The following TCEA3 variants were observed in gnomAD, a reference collection of about 807,000 sequenced individuals.
TCEA3 encodes the protein transcription elongation factor A3.
In TCEA3, 36 loss-of-function variants were observed where a neutral mutation model predicts 44.0. The observed-to-expected ratio is 0.82, with a 90% confidence interval of 0.63 to 1.08. The LOEUF is 1.08. Among genes scored for constraint, TCEA3 ranks in the 50% least tolerant of loss-of-function variants. The probability of loss-of-function intolerance (pLI) is 0.00; values close to 1 mark genes in which losing one functional copy is unlikely to be tolerated. For missense variants in TCEA3, 392 were observed against 441.2 expected (o/e 0.89, Z 1.00); for synonymous variants, 162 against 159.7 (o/e 1.01, Z -0.11).
At chr1:23,399,685 T>C (rs1639341305) in intron 5 of TCEA3, among the ~76,000 whole-genome samples, 2 of 151,084 alleles carry the variant, frequency 1.3e-5, no homozygotes, top group African/African-American at 4.9e-5. Context: ...TTTTTTTTTT[T>C]GAGAGGGTGT....
rs1638669515 is a variant in TCEA3, at chr1:23,381,444, T to A, written c.*22A>T. 1 of 780,690 alleles carries A rather than the reference T, an allele frequency of 1.3e-6. No individual in the cohort carries two copies. The highest frequency in any genetic ancestry group is 2.4e-6 in the Non-Finnish European group (1 of 417,962). The allele number at this position is 780,690 out of a possible 1,614,324, so 48.4% of individuals were successfully genotyped here. A position where few individuals can be genotyped will look rare whatever the true frequency, so the allele number is the denominator to read the frequency against. On this transcript the variant is annotated 3_prime_UTR_variant, in exon 11 of 11. Transcript: ENST00000450454. ...CGCTTCCTCTTTCTTCTTCCTCACC[T>A]TGTTCATGGCTGGCTGTTCCATCAG...
At chr1:23,398,234 C>T (rs945762618) in intron 5 of TCEA3, among the ~76,000 whole-genome samples, 3 of 152,128 alleles carry the variant, frequency 2.0e-5, no homozygotes, top group Admixed American at 6.6e-5. Flanking sequence ...AACACATCGA[C>T]GAACCAGTAG....
At chr1:23,419,836 GAACAA>G (rs1296240045) in intron 1 of TCEA3, among the ~76,000 whole-genome samples, 1 of 151,980 alleles carries the variant, frequency 6.6e-6, no homozygotes, top group African/African-American at 2.4e-5. Context: ...ACTCCAACTC[GAACAA>G]AACAAAACAA....
At position 23,383,521 on chromosome 1, in the gene TCEA3, AT is replaced by A. The variant is rs1638733036; in HGVS notation, c.1038+824del. 6.4e-6 allele frequency: 6 copies of A among 934,018 alleles called. No individual in the cohort carries two copies. The South Asian group carries it at 3.0e-4, about 46-fold the overall frequency. The allele number at this position is 934,018 out of a possible 1,614,324, so 57.9% of individuals were successfully genotyped here. On this transcript the variant is annotated intron_variant, in intron 10 of 10. Coordinates refer to ENST00000450454, the MANE Select transcript of TCEA3 (RefSeq NM_003196.3). ...TCAAACCTGGGAGAAAGGCATTATT[AT>A]TACTCTTTTGCTCAATGAGGTGAGT...
At chr1:23,394,133 C>A in intron 7 of TCEA3, 100 bp from the exon 8 acceptor site, 1 of 1,407,492 alleles carries the variant, frequency 7.1e-7, no homozygotes, top group Non-Finnish European at 9.6e-7. Context: ...TCTTCCTCTC[C>A]TCGGACTTCT....
Position 23,419,128 on chromosome 1 carries a change from C to T in TCEA3, c.81G>A (p.Leu27=). The T allele has an allele frequency of 1.3e-6, 2 of 1,591,416 alleles. No homozygotes were observed. Among genetic ancestry groups the T allele is most frequent in the South Asian group, 1.1e-5 (1 of 87,544 alleles). Reference sequence around the variant, plus strand: ...AGCTGTGCAGCTTCTTCAGAAGGTCCAGGGCCCCTTCCTGTGGGAGGCCAC... The same window carrying T: ...AGCTGTGCAGCTTCTTCAGAAGGTCTAGGGCCCCTTCCTGTGGGAGGCCAC... ...MVARKNTEGA[L]DLLKKLHSCQ... is the part of the protein sequence containing the mutation. The change falls in exon 2 of 11, where the codon CTG becomes CTA. Residue 27 remains leucine (L), a synonymous_variant. Transcript: ENST00000450454.
At chr1:23,409,802 G>A (rs1469120025) in intron 4 of TCEA3, among the ~76,000 whole-genome samples, 1 of 152,048 alleles carries the variant, frequency 6.6e-6, no homozygotes, top group African/African-American at 2.4e-5. Context: ...GCCCACCTCG[G>A]CCTCCCAAAG....
intron 5 of TCEA3, among the ~76,000 whole-genome samples, chr1:23,400,827 T>C (rs1323415815): frequency 6.6e-6 from 1 of 152,116 alleles, no homozygotes. Flanking sequence ...CCATTTACAT[T>C]AGTAGCTTGG....
chr1:23,394,299 G>A (rs1329815550), intron 7 of TCEA3, among the ~76,000 whole-genome samples: 1 of 152,132 alleles, frequency 6.6e-6, no homozygotes, highest in South Asian at 2.1e-4. Flanking sequence ...CAGGACCCTG[G>A]GTTTGTCTGA....
chr1:23,417,162 A>T, intron 4 of TCEA3, 87 bp downstream of exon 4: 1 of 1,484,208 alleles, frequency 6.7e-7, no homozygotes, highest in Non-Finnish European at 9.1e-7. Context: ...CCAGGATGAA[A>T]GGTTTAAATG....
At chr1:23,399,144 GTATATATATATATATATATATA>G (rs60424866) in intron 5 of TCEA3, among the ~76,000 whole-genome samples, 9 of 61,164 alleles carry the variant, frequency 1.5e-4, no homozygotes, top group Non-Finnish European at 2.2e-4. Context: ...ATGTATATAT[GTATATATATATATATATATATA>G]TATATATATA....
chr1:23,400,033 G>A (rs1490796424), intron 5 of TCEA3, among the ~76,000 whole-genome samples: 1 of 152,142 alleles, frequency 6.6e-6, no homozygotes, highest in African/African-American at 2.4e-5. Context: ...GTTTGCATGG[G>A]CAATGTCAAA....
At chr1:23,396,944 G>T (rs1295449265) in intron 7 of TCEA3, among the ~76,000 whole-genome samples, 1 of 149,630 alleles carries the variant, frequency 6.7e-6, no homozygotes, top group Non-Finnish European at 1.5e-5. Flanking sequence ...GTTGTAGGTT[G>T]CAGTGAGGCG....
chr1:23,423,130 T>A lies in TCEA3; in HGVS notation c.69+1435A>T, dbSNP rs374475462. On this transcript the variant is annotated intron_variant, in intron 1 of 10. Transcript: ENST00000450454. ...TGTGGCTCAGTTGTACTGAGGATTG[T>A]GGAGGAGTCTGGAACGGGGAGTGCA... Among the ~76,000 whole-genome samples the A allele has an allele frequency of 6.4e-4, 98 of 152,264 alleles. No individual in the cohort carries two copies. In the South Asian group the frequency reaches 0.011, roughly 17 times the overall value.
chr1:23,393,420 A>G (rs1639120837), intron 8 of TCEA3, among the ~76,000 whole-genome samples: 2 of 151,670 alleles, frequency 1.3e-5, no homozygotes, highest in Non-Finnish European at 1.5e-5. Context: ...CCACACACAC[A>G]CCCCACATAT....
chr1:23,398,072 G>C, intron 5 of TCEA3, 117 bp from the exon 6 acceptor site: 1 of 1,290,260 alleles, frequency 7.8e-7, no homozygotes, highest in Non-Finnish European at 1.1e-6. Context: ...ACCTCATGAG[G>C]TAGGTACTAT....
chr1:23,399,774 C>T (rs1767139), intron 5 of TCEA3, among the ~76,000 whole-genome samples: 2,120 of 151,566 alleles, frequency 0.014, 48 homozygotes, highest in African/African-American at 0.049. Context: ...CTCCCGGATT[C>T]AAGTGATTCT....
chr1:23,381,346 C>T lies in TCEA3; in HGVS notation c.*120G>A. On this transcript the variant is annotated 3_prime_UTR_variant, in exon 11 of 11. Coordinates refer to ENST00000450454, the MANE Select transcript of TCEA3 (RefSeq NM_003196.3). ...AGAGAATTCTTCCTCTAACTCATACCATCCCACTCAGACAGAGTTCAGTAT... is the reference window on the plus strand; with the variant it reads ...AGAGAATTCTTCCTCTAACTCATACTATCCCACTCAGACAGAGTTCAGTAT... The T allele has an allele frequency of 2.8e-6, 2 of 724,690 alleles. No homozygotes were observed. Among genetic ancestry groups the T allele is most frequent in the Admixed American group, 2.1e-5 (1 of 47,884 alleles). The allele number at this position is 724,690 out of a possible 1,614,324, so 44.9% of individuals were successfully genotyped here. A position where few individuals can be genotyped will look rare whatever the true frequency, so the allele number is the denominator to read the frequency against.
At chr1:23,384,243 T>C in intron 10 of TCEA3, 103 bp downstream of exon 10, 2 of 1,598,502 alleles carry the variant, frequency 1.3e-6, no homozygotes, top group Non-Finnish European at 1.7e-6. Flanking sequence ...GGCTGGCAAG[T>C]GCTGCCATGC....
Sources: allele counts gnomAD v4.1 joint callset (sites outside exome capture counted in the v4.1 genomes callset), GRCh38; gene constraint gnomAD v4.1.1; transcripts MANE v1.5; gene names NCBI Gene and HGNC (gene_info 2026-07-23, HGNC 2026-07-21).